Variants in COL5A2 observed in about 807,000 individuals in gnomAD.
COL5A2 encodes collagen alpha-2(V) chain.
In COL5A2, 23 loss-of-function variants were observed where a neutral mutation model predicts 208.2. The ratio of observed to expected loss-of-function variants is 0.11; its 90% CI spans 0.08 to 0.16. COL5A2 has a LOEUF of 0.16. Among genes scored for constraint, COL5A2 ranks in the 10% least tolerant of loss-of-function variants. COL5A2 has a pLI of 1.00. For missense variants in COL5A2, 1,590 were observed against 1,956.4 expected, an observed-to-expected ratio of 0.81 and a Z score of 3.53; for synonymous variants, 625 against 628.5, an observed-to-expected ratio of 0.99 and a Z score of 0.08.
At chr2:189,085,350 C>G in intron 10 of COL5A2, 137 bp from the exon 11 acceptor site, 1 of 860,050 alleles carries the variant, frequency 1.2e-6, no homozygotes, top group East Asian at 2.7e-5. Context: ...ATTGTTGAGA[C>G]AGAGAAAATA....
rs1397243584 is a variant in COL5A2, at chr2:189,032,355, G to C, written c.*1715C>G. ...TGTTGCCTTTGTGGGTAATGTTGTA[G>C]ATAGATTTTCATTTATAAGCCAGTA... On this transcript the variant is annotated 3_prime_UTR_variant, in exon 54 of 54. Transcript: ENST00000374866. 1 of 152,098 alleles carries C rather than the reference G, an allele frequency of 6.6e-6. No homozygotes were observed. Among genetic ancestry groups the C allele is most frequent in the African/African-American group, 2.4e-5 (1 of 41,432 alleles). The allele number at this position is 152,098 out of a possible 1,614,324, so 9.4% of individuals were successfully genotyped here. A position where few individuals can be genotyped will look rare whatever the true frequency, so the allele number is the denominator to read the frequency against.
the COL5A2 span, among the ~76,000 whole-genome samples, chr2:189,426,432 C>A: frequency 1.3e-5 from 2 of 152,208 alleles, no homozygotes; most frequent in Non-Finnish European, 2.9e-5. Flanking sequence ...GACCTGGAAG[C>A]CCCCTCCCTG....
intron 15 of COL5A2, 125 bp downstream of exon 15, chr2:189,078,938 A>G: frequency 1.2e-6 from 1 of 806,092 alleles, no homozygotes; most frequent in Non-Finnish European, 2.1e-6. Context: ...AATCAAGATT[A>G]TTTTACTAGC....
the COL5A2 span, among the ~76,000 whole-genome samples, chr2:189,323,870 A>C: frequency 1.5e-4 from 23 of 152,220 alleles, no homozygotes; most frequent in South Asian, 1.5e-3. Flanking sequence ...CCAAGTCAAT[A>C]CTAAGCCAAA....
At chr2:189,143,273 A>G (rs144381588) in intron 1 of COL5A2, among the ~76,000 whole-genome samples, 2 of 152,292 alleles carry the variant, frequency 1.3e-5, no homozygotes, top group Non-Finnish European at 2.9e-5. Context: ...GGCTGTATCT[A>G]CTGGAAGAAG....
At chr2:189,260,672 A>G in the COL5A2 span, among the ~76,000 whole-genome samples, 3 of 152,198 alleles carry the variant, frequency 2.0e-5, no homozygotes, top group African/African-American at 7.2e-5. Context: ...AAGGTCAGAG[A>G]AGAGGGTTCT....
At chr2:189,231,598 TTGAG>T in the COL5A2 span, among the ~76,000 whole-genome samples, 2 of 151,714 alleles carry the variant, frequency 1.3e-5, no homozygotes. Flanking sequence ...ACCCCCCAGC[TTGAG>T]TATCTTTTTT....
At chr2:189,427,795 C>G in the COL5A2 span, among the ~76,000 whole-genome samples, 1 of 152,182 alleles carries the variant, frequency 6.6e-6, no homozygotes, top group Non-Finnish European at 1.5e-5. Flanking sequence ...CAGACTTGCA[C>G]AGGCCTATAG....
chr2:189,153,392 T>G (rs765675003), intron 1 of COL5A2, among the ~76,000 whole-genome samples: 2 of 152,190 alleles, frequency 1.3e-5, no homozygotes, highest in African/African-American at 2.4e-5. Context: ...AGAGCTTACA[T>G]GATTCAGTCA....
intron 1 of COL5A2, among the ~76,000 whole-genome samples, chr2:189,165,793 A>G (rs1039282693): frequency 1.3e-5 from 2 of 152,218 alleles, no homozygotes; most frequent in Non-Finnish European, 2.9e-5. Flanking sequence ...ATATGTAGAA[A>G]AATGGTAACA....
In COL5A2 at chr2:189,038,814, C is replaced by T. The variant is rs890945091; in HGVS notation, c.3925+458G>A. On this transcript the variant is annotated intron_variant, in intron 51 of 53. Coordinates refer to ENST00000374866, the MANE Select transcript of COL5A2 (RefSeq NM_000393.5). ...ATGCCACTCTCCTGCCTCAGCCTCC[C>T]GAGTAGCTGGAACTACAGGCACCCG... 3.3e-5 allele frequency among the ~76,000 whole-genome samples: 5 copies of T among 152,120 alleles called. No individual in the cohort carries two copies. The East Asian group carries it at 5.8e-4, about 18-fold the overall frequency.
chr2:189,256,450 C>T, the COL5A2 span, among the ~76,000 whole-genome samples: 1 of 152,090 alleles, frequency 6.6e-6, no homozygotes, highest in East Asian at 1.9e-4. Flanking sequence ...AAAGGAGAAA[C>T]CAGGCATGTA....
chr2:189,283,489 A>G, the COL5A2 span, among the ~76,000 whole-genome samples: 1 of 152,114 alleles, frequency 6.6e-6, no homozygotes, highest in Non-Finnish European at 1.5e-5. Context: ...AGGACATCTG[A>G]CTAGTACTTC....
chr2:189,234,054 T>G, the COL5A2 span, among the ~76,000 whole-genome samples: 1 of 151,696 alleles, frequency 6.6e-6, no homozygotes, highest in Non-Finnish European at 1.5e-5. Flanking sequence ...GATATCTACT[T>G]TCAGCATATT....
At chr2:189,183,545 C>T (rs1688809336), upstream of COL5A2, among the ~76,000 whole-genome samples, 1 of 152,130 alleles carries the variant, frequency 6.6e-6, no homozygotes, top group African/African-American at 2.4e-5. Context: ...AAGCATAAAA[C>T]TCAGAATCCA....
intron 1 of COL5A2, among the ~76,000 whole-genome samples, chr2:189,171,048 G>C (rs543990110): frequency 1.5e-4 from 23 of 152,162 alleles, no homozygotes; most frequent in African/African-American, 5.5e-4. Context: ...CTCAACTAAT[G>C]AGAGAATGTC....
At chr2:189,188,383 C>A (rs1202844101) in intron 1 of COL5A2, among the ~76,000 whole-genome samples, 1 of 152,184 alleles carries the variant, frequency 6.6e-6, no homozygotes, top group African/African-American at 2.4e-5. Context: ...TTCCAAGATT[C>A]ATCCATGCTG....
chr2:189,433,759 A>C, the COL5A2 span, among the ~76,000 whole-genome samples: 2,569 of 152,296 alleles, frequency 0.017, 75 homozygotes, highest in African/African-American at 0.059. Context: ...AGATACAAGG[A>C]GGAACTGGTA....
chr2:189,402,284 C>T, the COL5A2 span, among the ~76,000 whole-genome samples: 1 of 152,146 alleles, frequency 6.6e-6, no homozygotes. Flanking sequence ...GTGGTGCGAT[C>T]TTGGCTCACT....
Sources: allele counts gnomAD v4.1 joint callset (sites outside exome capture counted in the v4.1 genomes callset), GRCh38; gene constraint gnomAD v4.1.1; transcripts MANE v1.5; gene names NCBI Gene and HGNC (gene_info 2026-07-23, HGNC 2026-07-21).